CDH13: variants seen among roughly 807,000 people sequenced by gnomAD.
CDH13 encodes the protein cadherin 13, also known as cadherin-13.
CDH13 carries 24 observed loss-of-function variants against 63.8 expected under a neutral mutation model. That is an observed-to-expected ratio of 0.38 (90% CI 0.27 to 0.53). CDH13 has a LOEUF of 0.53. Ranked by LOEUF, CDH13 falls within the 20% of genes least tolerant of loss-of-function variation. The pLI, the probability that CDH13 is intolerant of heterozygous loss-of-function variation, is 0.85. For missense variants in CDH13, 1,049 were observed against 903.1 expected (o/e 1.16, Z -2.07); for synonymous variants, 503 against 355.3 (o/e 1.42, Z -4.67).
chr16:82,760,128 T>TGGAACACAAATATTTTCC (rs2034775866), intron 1 of CDH13, among the ~76,000 whole-genome samples: 1 of 152,196 alleles, frequency 6.6e-6, no homozygotes, highest in African/African-American at 2.4e-5. Context: ...AGAGTTTTTC[T>TGGAACACAAATATTTTCC]GGAACACAAA....
intron 1 of CDH13, among the ~76,000 whole-genome samples, chr16:82,758,420 G>A (rs989303815): frequency 7.4e-5 from 3 of 40,486 alleles, no homozygotes; most frequent in Non-Finnish European, 1.4e-4. Context: ...CCAGGAGACT[G>A]TTGATACCCC....
chr16:83,187,174 T>A (rs2038552501), intron 4 of CDH13, among the ~76,000 whole-genome samples: 1 of 152,174 alleles, frequency 6.6e-6, no homozygotes, highest in Non-Finnish European at 1.5e-5. Context: ...TTTCACCATG[T>A]TGGCCTGGCT....
intron 2 of CDH13, among the ~76,000 whole-genome samples, chr16:82,976,298 G>A (rs111883747): frequency 4.6e-5 from 7 of 152,170 alleles, no homozygotes; most frequent in South Asian, 2.1e-4. Context: ...CTTCTTTGAC[G>A]TGCCCAGGTG....
intron 8 of CDH13, among the ~76,000 whole-genome samples, chr16:83,616,998 C>A (rs1017661576): frequency 2.6e-5 from 4 of 152,184 alleles, no homozygotes; most frequent in East Asian, 1.9e-4. Context: ...CCTTCACCAC[C>A]CAACTTATAA....
At chr16:83,678,580 A>G in intron 10 of CDH13, 119 bp downstream of exon 10, 2 of 1,247,358 alleles carry the variant, frequency 1.6e-6, no homozygotes, top group East Asian at 5.1e-5. Context: ...TAACAATCTC[A>G]GCAAGTGGGA....
chr16:83,338,621 C>A (rs1295796016), intron 5 of CDH13, among the ~76,000 whole-genome samples: 3 of 152,188 alleles, frequency 2.0e-5, no homozygotes, highest in Admixed American at 2.0e-4. Context: ...GCCAGGGACA[C>A]CCTAGCTGTT....
chr16:83,745,266 G>C (rs900856849), intron 10 of CDH13, among the ~76,000 whole-genome samples: 1 of 152,168 alleles, frequency 6.6e-6, no homozygotes, highest in African/African-American at 2.4e-5. Context: ...GCCTCTCCTG[G>C]CGTCCTTCTG....
At chr16:82,851,052 T>C (rs967160476) in intron 1 of CDH13, among the ~76,000 whole-genome samples, 2 of 152,208 alleles carry the variant, frequency 1.3e-5, no homozygotes, top group East Asian at 1.9e-4. Flanking sequence ...TGCCTGTACA[T>C]GCAGCTTCCC....
intron 2 of CDH13, chr16:82,954,441 C>T (rs1325014181): frequency 6.6e-6 from 1 of 152,036 alleles, no homozygotes; most frequent in East Asian, 1.9e-4. Context: ...TGCTGCACTT[C>T]CGTCCTACAA....
intron 1 of CDH13, among the ~76,000 whole-genome samples, chr16:82,856,675 C>A (rs1288231340): frequency 1.3e-4 from 12 of 93,862 alleles, no homozygotes; most frequent in Non-Finnish European, 5.6e-5. Flanking sequence ...GCCTGGGCAA[C>A]ATGGCAAGAC....
chr16:83,205,345 T>TG (rs200883272), intron 4 of CDH13, among the ~76,000 whole-genome samples: 2,034 of 152,218 alleles, frequency 0.013, 44 homozygotes, highest in African/African-American at 0.046. Flanking sequence ...ATTGGCAATT[T>TG]GGGGGGTTTG....
intron 1 of CDH13, among the ~76,000 whole-genome samples, chr16:82,648,841 T>C (rs1489701251): frequency 6.6e-6 from 1 of 152,192 alleles, no homozygotes; most frequent in African/African-American, 2.4e-5. Context: ...ATGGAAAATG[T>C]ATTTCAGAAA....
At chr16:83,567,014 C>T (rs1904286933) in intron 7 of CDH13, among the ~76,000 whole-genome samples, 1 of 152,192 alleles carries the variant, frequency 6.6e-6, no homozygotes, top group Admixed American at 6.5e-5. Flanking sequence ...CCCTGTGTGT[C>T]ATACAGTTCT....
At chr16:83,509,158 A>G (rs758027479) in intron 7 of CDH13, among the ~76,000 whole-genome samples, 1 of 152,150 alleles carries the variant, frequency 6.6e-6, no homozygotes, top group Non-Finnish European at 1.5e-5. Flanking sequence ...TTCTTACCTC[A>G]GAGTTTCAAA....
At chr16:82,814,673 G>A (rs572501496) in intron 1 of CDH13, among the ~76,000 whole-genome samples, 5 of 152,206 alleles carry the variant, frequency 3.3e-5, no homozygotes, top group Admixed American at 1.3e-4. Flanking sequence ...TAATAAATGC[G>A]TAAATATAAG....
intron 3 of CDH13, among the ~76,000 whole-genome samples, chr16:83,113,978 G>A (rs1201677341): frequency 6.6e-6 from 1 of 151,570 alleles, no homozygotes; most frequent in African/African-American, 2.4e-5. Context: ...AAGAATGTTT[G>A]TAAAAGATCT....
chr16:83,026,026 G>A (rs570616922), intron 2 of CDH13, among the ~76,000 whole-genome samples: 2 of 152,236 alleles, frequency 1.3e-5, no homozygotes, highest in South Asian at 2.1e-4. Flanking sequence ...AAGAACCATG[G>A]CCTAAAGCAC....
chr16:82,691,091 C>T (rs562669200), intron 1 of CDH13, among the ~76,000 whole-genome samples: 3 of 152,202 alleles, frequency 2.0e-5, no homozygotes, highest in African/African-American at 7.2e-5. Flanking sequence ...TATTGGGCAT[C>T]TATGGTGTAC....
At chr16:82,905,417 A>G (rs542699781) in intron 2 of CDH13, among the ~76,000 whole-genome samples, 22 of 149,576 alleles carry the variant, frequency 1.5e-4, no homozygotes, top group African/African-American at 5.4e-4. Context: ...CTTGGGTGTT[A>G]TACCATGAAT....
Sources: allele counts gnomAD v4.1 joint callset (sites outside exome capture counted in the v4.1 genomes callset), GRCh38; gene constraint gnomAD v4.1.1; transcripts MANE v1.5; gene names NCBI Gene and HGNC (gene_info 2026-07-23, HGNC 2026-07-21).